Variants in PRICKLE2 observed in about 807,000 individuals in gnomAD.
The protein encoded by PRICKLE2 is prickle planar cell polarity protein 2.
In PRICKLE2, 21 loss-of-function variants were observed where a neutral mutation model predicts 81.4. The ratio of observed to expected loss-of-function variants is 0.26; its 90% CI spans 0.18 to 0.37. The LOEUF (loss-of-function observed/expected upper bound fraction) is 0.37. Among genes scored for constraint, PRICKLE2 ranks in the 10% least tolerant of loss-of-function variants. PRICKLE2 has a pLI of 1.00. For synonymous variants in PRICKLE2, 456 were observed against 421.5 expected (o/e 1.08, Z -1.00); for missense variants, 940 against 1,109.0 (o/e 0.85, Z 2.16).
chr3:64,216,328 T>A (rs955703543), intron 1 of PRICKLE2, among the ~76,000 whole-genome samples: 2 of 152,186 alleles, frequency 1.3e-5, no homozygotes, highest in Non-Finnish European at 2.9e-5. Context: ...AAATTTTGCA[T>A]TAAATTTCAG....
At chr3:64,206,564 C>T (rs1467436617) in intron 1 of PRICKLE2, among the ~76,000 whole-genome samples, 1 of 152,178 alleles carries the variant, frequency 6.6e-6, no homozygotes, top group Non-Finnish European at 1.5e-5. Context: ...TTGTTGCTAG[C>T]CCTGCCATCT....
In PRICKLE2 at chr3:64,198,898, C is replaced by T; in HGVS notation, c.30G>A (p.Glu10=). The T allele has an allele frequency of 6.2e-7, 1 of 1,614,194 alleles. No individual in the cohort carries two copies. Among genetic ancestry groups the T allele is most frequent in the Non-Finnish European group, 8.5e-7 (1 of 1,180,016 alleles). Residue 10 remains glutamate (E), a synonymous_variant, in exon 2 of 8, where the codon GAG becomes GAA. Coordinates refer to ENST00000638394, the MANE Select transcript of PRICKLE2 (RefSeq NM_198859.4). The part of the protein sequence containing the change: MVTVMPLEM[E]KTISKLMFDF... ...CAAACATGAGTTTGCTGATGGTCTT[C>T]TCCATCTCCAGCGGCATCACTGTCA...
At chr3:64,237,061 C>T (rs1005946434) in intron 2 of PRICKLE2, among the ~76,000 whole-genome samples, 1 of 152,036 alleles carries the variant, frequency 6.6e-6, no homozygotes, top group Non-Finnish European at 1.5e-5. Flanking sequence ...GGGGAGCACG[C>T]AGGTGAGTGG....
chr3:64,258,845 A>AGAAAGAAAG (rs1553663503), intron 2 of PRICKLE2, among the ~76,000 whole-genome samples: 14 of 33,994 alleles, frequency 4.1e-4, no homozygotes, highest in South Asian at 1.3e-3. Context: ...AAAAAAAAAA[A>AGAAAGAAAG]AAAGAAAGAA....
intron 4 of PRICKLE2, 117 bp from the exon 5 acceptor site, chr3:64,157,482 T>G: frequency 9.6e-7 from 1 of 1,036,406 alleles, no homozygotes; most frequent in Non-Finnish European, 1.5e-6. Flanking sequence ...TTCAAAGCAG[T>G]CACTATGCTT....
intron 2 of PRICKLE2, among the ~76,000 whole-genome samples, chr3:64,238,161 T>C (rs1223548579): frequency 6.6e-6 from 1 of 152,158 alleles, no homozygotes; most frequent in African/African-American, 2.4e-5. Flanking sequence ...AGAGGTTTAG[T>C]TATATACCAC....
intron 2 of PRICKLE2, among the ~76,000 whole-genome samples, chr3:64,260,106 T>C (rs937969639): frequency 2.0e-5 from 3 of 152,184 alleles, no homozygotes; most frequent in African/African-American, 7.2e-5. Flanking sequence ...TCAGGCCCTA[T>C]GTCATGCTTA....
intron 7 of PRICKLE2, among the ~76,000 whole-genome samples, chr3:64,106,597 T>C (rs1170472077): frequency 6.6e-6 from 1 of 152,254 alleles, no homozygotes; most frequent in East Asian, 1.9e-4. Context: ...ATTCCTCCTC[T>C]ACACAGACGA....
chr3:64,144,099 T>C (rs999959424), intron 7 of PRICKLE2, among the ~76,000 whole-genome samples: 1 of 152,244 alleles, frequency 6.6e-6, no homozygotes, highest in Non-Finnish European at 1.5e-5. Flanking sequence ...AGCCTCATTT[T>C]GTTTGTCTAG....
intron 2 of PRICKLE2, among the ~76,000 whole-genome samples, chr3:64,239,952 C>CAAAAAAAAA (rs57932723): frequency 1.2e-4 from 4 of 32,244 alleles, no homozygotes; most frequent in African/African-American, 3.5e-4. Flanking sequence ...CCATCGCTAC[C>CAAAAAAAAA]AAAAAAAAAA....
intron 2 of PRICKLE2, chr3:64,163,993 T>A (rs1478358412): frequency 6.6e-6 from 1 of 150,444 alleles, no homozygotes; most frequent in East Asian, 1.9e-4. Flanking sequence ...CTCTCAAGTA[T>A]CTCTTATTTA....
At chr3:64,151,937 C>A (rs2077553936) in intron 6 of PRICKLE2, among the ~76,000 whole-genome samples, 2 of 152,150 alleles carry the variant, frequency 1.3e-5, no homozygotes, top group African/African-American at 4.8e-5. Flanking sequence ...GAAGGAAATG[C>A]AGCTGAACAG....
At chr3:64,161,515 C>T (rs535661951) in intron 3 of PRICKLE2, among the ~76,000 whole-genome samples, 2 of 152,198 alleles carry the variant, frequency 1.3e-5, no homozygotes, top group Non-Finnish European at 2.9e-5. Context: ...ACTTTAGAAT[C>T]ACAATCACCC....
chr3:64,170,135 G>A lies in PRICKLE2; in HGVS notation c.145-7006C>T, dbSNP rs146832693. ...GTTTGGCTCCTTCCCTTTTCTCCTG[G>A]AGACCCACATTATAATTTTAATTGG... On this transcript the variant is annotated intron_variant, in intron 2 of 7. Coordinates refer to ENST00000638394, the MANE Select transcript of PRICKLE2 (RefSeq NM_198859.4). Among the ~76,000 whole-genome samples the A allele has an allele frequency of 3.1e-3, 475 of 152,242 alleles. 3 individuals carry two copies. Among genetic ancestry groups the A allele is most frequent in the African/African-American group, 0.011 (465 of 41,548 alleles).
chr3:64,176,098 A>T (rs1306048971), intron 2 of PRICKLE2, among the ~76,000 whole-genome samples: 2 of 152,186 alleles, frequency 1.3e-5, no homozygotes, highest in South Asian at 2.1e-4. Flanking sequence ...TAAGAGGCAG[A>T]TGGATCAACA....
intron 2 of PRICKLE2, among the ~76,000 whole-genome samples, chr3:64,232,254 A>G (rs2079115428): frequency 6.6e-6 from 1 of 152,218 alleles, no homozygotes; most frequent in African/African-American, 2.4e-5. Flanking sequence ...GCCTAAGAGC[A>G]GAGACCATGC....
At chr3:64,149,267 C>G (rs2077505519) in intron 6 of PRICKLE2, among the ~76,000 whole-genome samples, 1 of 152,226 alleles carries the variant, frequency 6.6e-6, no homozygotes, top group African/African-American at 2.4e-5. Context: ...GGGGCAAAAG[C>G]TGATCTGGGG....
intron 2 of PRICKLE2, among the ~76,000 whole-genome samples, chr3:64,260,542 G>C (rs550732229): frequency 2.2e-4 from 34 of 152,306 alleles, no homozygotes; most frequent in African/African-American, 7.0e-4. Context: ...TAAAACCTCT[G>C]TGCTATTCCT....
chr3:64,152,554 T>C (rs2077564360), intron 6 of PRICKLE2, among the ~76,000 whole-genome samples: 1 of 120,940 alleles, frequency 8.3e-6, no homozygotes, highest in Non-Finnish European at 1.9e-5. Flanking sequence ...CTTTTGCTAT[T>C]TTTTTTTTTT....
Sources: gnomAD v4.1 joint callset for allele counts (sites outside exome capture counted in the v4.1 genomes callset) on GRCh38, gnomAD v4.1.1 for gene constraint, MANE v1.5 for transcripts, NCBI Gene and HGNC (gene_info 2026-07-23, HGNC 2026-07-21) for gene names.